SPO11: variants seen among roughly 807,000 people sequenced by gnomAD.
SPO11 encodes the protein SPO11 initiator of meiotic double strand breaks.
Under a neutral mutation model 51.6 loss-of-function variants are expected in SPO11, and 49 were observed. The ratio of observed to expected loss-of-function variants is 0.95; its 90% confidence interval spans 0.75 to 1.20. The LOEUF (loss-of-function observed/expected upper bound fraction) is 1.20. Among genes scored for constraint, SPO11 ranks in the 50% most tolerant of loss-of-function variants. SPO11 has a pLI of 0.00. For missense variants in SPO11, 431 were observed against 473.4 expected (o/e 0.91, Z 0.83); for synonymous variants, 176 against 158.2 (o/e 1.11, Z -0.84).
rs2066563407 is a variant in SPO11, at chr20:57,340,147, T to C, written c.928T>C (p.Trp310Arg). The C allele has an allele frequency of 1.9e-6, 3 of 1,612,500 alleles. No homozygotes were observed. The highest frequency in any genetic ancestry group is 2.5e-6 in the Non-Finnish European group (3 of 1,178,568). ...TCATCTCACAGTTCCAGCTATTAGATGGCTTGGTCTTCTCCCTTCTGATCT... is the reference window on the plus strand; with the variant it reads ...TCATCTCACAGTTCCAGCTATTAGACGGCTTGGTCTTCTCCCTTCTGATCT... The part of the protein sequence containing the change: ...AHHLTVPAIR[W>R]LGLLPSDLKR... The change falls in exon 11 of 13, where the codon TGG becomes CGG. Residue 310 changes from tryptophan to arginine, a missense_variant. Transcript: ENST00000371263.
chr20:57,330,066 C>T (rs377536021), intron 1 of SPO11, 68 bp downstream of exon 1: 27 of 1,489,330 alleles, frequency 1.8e-5, no homozygotes, highest in African/African-American at 5.6e-5. Flanking sequence ...TTCCTGGCCC[C>T]GGGCTGCCTC....
intron 8 of SPO11, chr20:57,337,767 C>G: frequency 7.6e-7 from 1 of 1,309,484 alleles, no homozygotes; most frequent in Admixed American, 2.2e-5. Flanking sequence ...CACCTGAAAT[C>G]CAAGGTAGGA....
chr20:57,333,987 G>A lies in SPO11; in HGVS notation c.402G>A (p.Arg134=), dbSNP rs747289934. The A allele has an allele frequency of 8.0e-6, 12 of 1,504,786 alleles. No homozygotes were observed. The Admixed American group carries it at 8.2e-5, about 10-fold the overall frequency. The allele number at this position is 1,504,786 out of a possible 1,614,324, so 93.2% of individuals were successfully genotyped here. The change falls in exon 5 of 13, where the codon AGG becomes AGA. Residue 134 remains arginine, a splice_region_variant and synonymous_variant. Transcript: ENST00000371263. ...LVQSNTYATK[R]DIYYTDSQLF... ...AAATATGTATTTTAAATTTTCATAG[G>A]GACATATATTACACTGACAGTCAAC... is the stretch of plus-strand genomic sequence containing the variant.
chr20:57,332,947 AG>A (rs940810259), intron 2 of SPO11, among the ~76,000 whole-genome samples: 32 of 152,266 alleles, frequency 2.1e-4, no homozygotes, highest in African/African-American at 7.5e-4. Context: ...CCCTAATCAA[AG>A]GTGTTAGCTC....
intron 5 of SPO11, among the ~76,000 whole-genome samples, chr20:57,334,405 C>T (rs960527993): frequency 3.3e-5 from 5 of 152,276 alleles, no homozygotes; most frequent in Admixed American, 6.5e-5. Flanking sequence ...CCACCTGCCT[C>T]GGCCTCCCAA....
chr20:57,338,434 T>A, intron 9 of SPO11, 59 bp downstream of exon 9: 3 of 1,299,228 alleles, frequency 2.3e-6, no homozygotes, highest in Non-Finnish European at 2.2e-6. Context: ...TTTGTTGTTG[T>A]GTTTTCTTCC....
intron 7 of SPO11, 87 bp from the exon 8 acceptor site, chr20:57,335,710 CT>C: frequency 1.2e-6 from 1 of 817,442 alleles, no homozygotes; most frequent in South Asian, 1.7e-5. Flanking sequence ...TCTATAGCTG[CT>C]TTTGAATTAT....
In SPO11 at chr20:57,329,834, G is replaced by C; in HGVS notation, c.-34G>C. ...GCCCCAAGGGCGCAGCCTAGGACAG[G>C]GGCTTCTGGAGCTTCTGGCAGCCGT... On this transcript the variant is annotated 5_prime_UTR_variant, in exon 1 of 13. Coordinates refer to ENST00000371263, the MANE Select transcript of SPO11 (RefSeq NM_012444.3). The C allele has an allele frequency of 1.3e-6, 2 of 1,598,760 alleles. No homozygotes were observed. Among genetic ancestry groups the C allele is most frequent in the East Asian group, 2.2e-5 (1 of 44,630 alleles).
In SPO11 at chr20:57,333,368, C is replaced by T. The variant is rs562600879; in HGVS notation, c.334+92C>T. The stretch of plus-strand genomic sequence containing the variant: ...TTTGTTGCTAGTTAAATAATTTTAC[C>T]TGTTTTTAATAGATCACTTTCATAC... On this transcript the variant is annotated intron_variant, in intron 3 of 12. Transcript: ENST00000371263. 5.0e-4 allele frequency: 451 copies of T among 907,772 alleles called. 6 individuals carry two copies. The South Asian group carries it at 7.7e-3, about 15-fold the overall frequency. The allele number at this position is 907,772 out of a possible 1,614,324, so 56.2% of individuals were successfully genotyped here.
intron 5 of SPO11, 139 bp from the exon 6 acceptor site, chr20:57,334,611 T>C: frequency 1.6e-6 from 1 of 610,956 alleles, no homozygotes; most frequent in Non-Finnish European, 2.8e-6. Context: ...CTAAATCCCT[T>C]ACATATTTTC....
chr20:57,338,955 G>A (rs1200678901), intron 9 of SPO11, 34 bp from the exon 10 acceptor site: 11 of 1,359,922 alleles, frequency 8.1e-6, no homozygotes, highest in Non-Finnish European at 1.1e-5. Flanking sequence ...AATATGTAAG[G>A]AGACTAATTT....
chr20:57,331,191 C>T (rs1490727485), intron 1 of SPO11, among the ~76,000 whole-genome samples: 1 of 152,180 alleles, frequency 6.6e-6, no homozygotes, highest in Non-Finnish European at 1.5e-5. Flanking sequence ...TTAGTCTTCG[C>T]ATTTTGCTGT....
In SPO11 at chr20:57,337,619, A is replaced by T. The variant is rs535357227; in HGVS notation, c.745-657A>T. The T allele has an allele frequency of 3.9e-5, 23 of 590,360 alleles. No homozygotes were observed. The Admixed American group carries it at 6.5e-4, about 17-fold the overall frequency. 36.6% of individuals were successfully genotyped at this position (590,360 alleles called of 1,614,324 possible). The stretch of plus-strand genomic sequence containing the variant: ...AACACTTCAGTGAGCATCTTTAAAT[A>T]TGTAGGATGTTTATTATTTCTGTTT... On this transcript the variant is annotated intron_variant, in intron 8 of 12. Transcript: ENST00000371263.
intron 12 of SPO11, among the ~76,000 whole-genome samples, chr20:57,343,049 C>A (rs1168214731): frequency 1.3e-5 from 2 of 151,960 alleles, no homozygotes; most frequent in African/African-American, 4.8e-5. Flanking sequence ...CTGTTTGTAT[C>A]CTTATCATGG....
chr20:57,333,124 A>G, intron 2 of SPO11, 64 bp from the exon 3 acceptor site: 2 of 1,172,646 alleles, frequency 1.7e-6, no homozygotes. Context: ...CCATAAGTAT[A>G]TATTGTTTGG....
At chr20:57,338,538 G>A (rs1246816592) in intron 9 of SPO11, among the ~76,000 whole-genome samples, 163 bp downstream of exon 9, 3 of 151,704 alleles carry the variant, frequency 2.0e-5, no homozygotes, top group African/African-American at 7.3e-5. Flanking sequence ...CCACCTCCTG[G>A]GTTCAAGTGA....
At chr20:57,340,290 T>C in intron 11 of SPO11, 112 bp downstream of exon 11, 3 of 626,628 alleles carry the variant, frequency 4.8e-6, no homozygotes, top group Non-Finnish European at 5.6e-6. Flanking sequence ...TTTATTTATA[T>C]TGTCCACGAT....
chr20:57,340,626 T>C (rs984390369), intron 11 of SPO11, among the ~76,000 whole-genome samples: 1 of 151,838 alleles, frequency 6.6e-6, no homozygotes, highest in African/African-American at 2.4e-5. Context: ...TAGCTGGGTG[T>C]GGTGGTGGTG....
chr20:57,334,763 A>C lies in SPO11; in HGVS notation c.524A>C (p.Lys175Thr), dbSNP rs1445990571. 6 of 1,613,506 alleles carry C rather than the reference A, an allele frequency of 3.7e-6. No homozygotes were observed. Among genetic ancestry groups the C allele is most frequent in the Middle Eastern group, 3.3e-4 (2 of 6,058 alleles). The change falls in exon 6 of 13, where the codon AAA becomes ACA. Residue 175 changes from lysine (K) to threonine (T), a missense_variant. Transcript: ENST00000371263. ...RRSLHILSTS[K>T]GLIAGNLRYI... ...TATTTTTTGCAGTTATCTACATCAA[A>C]AGGTTTAATTGCTGGCAACTTAAGA...
Sources: gnomAD v4.1 joint callset for allele counts (sites outside exome capture counted in the v4.1 genomes callset) on GRCh38, gnomAD v4.1.1 for gene constraint, MANE v1.5 for transcripts, NCBI Gene and HGNC (gene_info 2026-07-23, HGNC 2026-07-21) for gene names.